The following HRG variants were observed in gnomAD, a reference collection of about 807,000 sequenced individuals.
The protein encoded by HRG is histidine-rich glycoprotein.
Under a neutral mutation model 29.5 loss-of-function variants are expected in HRG, and 26 were observed. The observed-to-expected ratio is 0.88, with a 90% CI of 0.65 to 1.22. The LOEUF (loss-of-function observed/expected upper bound fraction) is 1.22. Among genes scored for constraint, HRG ranks in the 50% most tolerant of loss-of-function variants. The probability of loss-of-function intolerance (pLI) is 0.00; values close to 1 mark genes in which losing one functional copy is unlikely to be tolerated. For synonymous variants in HRG, 243 were observed against 240.4 expected (o/e 1.01, Z -0.10); for missense variants, 671 against 654.5 (o/e 1.03, Z -0.28).
In HRG at chr3:186,677,566, C is replaced by G. The variant is rs139458490; in HGVS notation, c.1261C>G (p.Pro421Ala). ...FQDYGPCDPP[P>A]HNQGHCCHGH... ...AGACTATGGACCTTGTGACCCACCA[C>G]CCCATAACCAAGGTCACTGTTGCCA... Residue 421 changes from proline to alanine, a missense_variant, in exon 7 of 7, where the codon CCC becomes GCC. Physicochemically the swap from Pro to Ala is conservative, Grantham distance 27 (BLOSUM62 -1). Coordinates refer to ENST00000232003, the MANE Select transcript of HRG (RefSeq NM_000412.5). 3.3e-4 allele frequency: 530 copies of G among 1,614,036 alleles called. 2 individuals carry two copies. The African/African-American group carries it at 6.1e-3, about 19-fold the overall frequency.
Position 186,677,684 on chromosome 3 carries a change from G to A in HRG, c.1379G>A (p.Arg460Gln), listed in dbSNP as rs148716747. The change falls in exon 7 of 7, where the codon CGA becomes CAA. Residue 460 changes from arginine to glutamine, a missense_variant. Coordinates refer to ENST00000232003, the MANE Select transcript of HRG (RefSeq NM_000412.5). ...TGCAGACAAATTGGATCTGTGTACC[G>A]ACTCCCTCCTCTAAGAAAAGGTGAG... ...FHCRQIGSVY[R>Q]LPPLRKGEVL... 1,894 of 1,612,774 alleles carry A rather than the reference G, an allele frequency of 1.2e-3. 3 individuals are homozygous for A. Among genetic ancestry groups the A allele is most frequent in the Non-Finnish European group, 1.5e-3 (1,761 of 1,178,886 alleles).
In HRG at chr3:186,671,806, G is replaced by T. The variant is rs1718806247; in HGVS notation, c.558+17G>T. The T allele has an allele frequency of 6.2e-7, 1 of 1,612,818 alleles. No homozygotes were observed. On this transcript the variant is annotated intron_variant, in intron 4 of 6. Coordinates refer to ENST00000232003, the MANE Select transcript of HRG (RefSeq NM_000412.5). ...GCAAGAGTGGTGAGTCTCCACTAAGGTTCGGTTGGAGTCTGAAGGCCCAGG... is the reference window on the plus strand; with the variant it reads ...GCAAGAGTGGTGAGTCTCCACTAAGTTTCGGTTGGAGTCTGAAGGCCCAGG...
intron 4 of HRG, 38 bp downstream of exon 4, chr3:186,671,827 C>T (rs1276594310): frequency 3.2e-6 from 5 of 1,582,434 alleles, no homozygotes; most frequent in Admixed American, 1.7e-5. Context: ...GTCTGAAGGC[C>T]CAGGCTCCAA....
At position 186,677,481 on chromosome 3, in the gene HRG, T is replaced by G. The variant is rs1350418807; in HGVS notation, c.1176T>G (p.His392Gln). 1.9e-6 allele frequency: 3 copies of G among 1,593,860 alleles called. No homozygotes were observed. In the South Asian group the frequency reaches 3.4e-5, roughly 18 times the overall value. Reference protein sequence around the residue: ...HGHHPHGHHPHGHHPHGHHPH... With the variant: ...HGHHPHGHHPQGHHPHGHHPH... ...ACCACCCCCATGGACACCATCCTCA[T>G]GGACACCACCCCCATGGACACCATC... Residue 392 changes from histidine to glutamine, a missense_variant, in exon 7 of 7, where the codon CAT becomes CAG. Transcript: ENST00000232003.
chr3:186,674,896 C>A (rs1718918317), intron 5 of HRG, 193 bp from the exon 6 acceptor site: 3 of 617,462 alleles, frequency 4.9e-6, no homozygotes, highest in East Asian at 3.1e-5. Context: ...TTTAGTGATA[C>A]CCTTCACCAC....
At chr3:186,673,056 G>A (rs1718856498) in intron 5 of HRG, 189 bp downstream of exon 5, 2 of 654,146 alleles carry the variant, frequency 3.1e-6, no homozygotes, top group Non-Finnish European at 5.5e-6. Flanking sequence ...GAAGCACTTA[G>A]TACCTGCCAG....
chr3:186,666,275 C>G (rs1253029858), intron 1 of HRG, 61 bp downstream of exon 1: 3 of 1,539,466 alleles, frequency 1.9e-6, no homozygotes, highest in South Asian at 2.2e-5. Context: ...AAATGTGACT[C>G]TACCCCCTAG....
In HRG at chr3:186,672,753, G is replaced by A. The variant is rs759267044; in HGVS notation, c.559-34G>A. 50 of 1,414,348 alleles carry A rather than the reference G, an allele frequency of 3.5e-5. No homozygotes were observed. In the Middle Eastern group the frequency reaches 5.3e-4, roughly 15 times the overall value. 87.6% of individuals were successfully genotyped at this position (1,414,348 alleles called of 1,614,324 possible). ...GCTTTTTTTTCCTTTTTCTTTGTCT[G>A]TTCTTGAAACTATTTTGATCCCATC... is the stretch of plus-strand genomic sequence containing the variant. On this transcript the variant is annotated intron_variant, in intron 4 of 6. Coordinates refer to ENST00000232003, the MANE Select transcript of HRG (RefSeq NM_000412.5).
At chr3:186,676,400 A>G (rs1000064250) in intron 6 of HRG, among the ~76,000 whole-genome samples, 1 of 152,084 alleles carries the variant, frequency 6.6e-6, no homozygotes, top group Non-Finnish European at 1.5e-5. Flanking sequence ...GAAGTTTTTT[A>G]TATCTAACAT....
chr3:186,668,777 G>A (rs1718689365), intron 1 of HRG, 158 bp from the exon 2 acceptor site: 13 of 622,094 alleles, frequency 2.1e-5, no homozygotes, highest in Middle Eastern at 4.3e-4. Flanking sequence ...GCTATGTATT[G>A]GAATCAATAG....
At position 186,677,276 on chromosome 3, in the gene HRG, G is replaced by T. The variant is rs1719026691; in HGVS notation, c.971G>T (p.Cys324Phe). ...CCTCCTCCACTATTGCCCATGTCCTGCTCAAGTTGTCAACATGCCACTTTT... is the reference window on the plus strand; with the variant it reads ...CCTCCTCCACTATTGCCCATGTCCTTCTCAAGTTGTCAACATGCCACTTTT... ...QGPPPLLPMS[C>F]SSCQHATFGT... The change falls in exon 7 of 7, where the codon TGC becomes TTC. Residue 324 changes from cysteine to phenylalanine, a missense_variant. Transcript: ENST00000232003. 1 of 1,613,916 alleles carries T rather than the reference G, an allele frequency of 6.2e-7. No homozygotes were observed. Among genetic ancestry groups the T allele is most frequent in the Admixed American group, 1.7e-5 (1 of 59,986 alleles).
intron 3 of HRG, among the ~76,000 whole-genome samples, chr3:186,670,719 G>C (rs1400641554): frequency 3.3e-5 from 5 of 151,914 alleles, no homozygotes; most frequent in Admixed American, 3.3e-4. Flanking sequence ...AACAAATTTT[G>C]TATTTTTAGT....
intron 3 of HRG, 128 bp downstream of exon 3, chr3:186,670,156 G>A (rs186257490): frequency 5.8e-6 from 4 of 694,744 alleles, no homozygotes; most frequent in East Asian, 2.7e-5. Context: ...TATCTATGAT[G>A]TACATGAAAG....
At position 186,677,803 on chromosome 3, in the gene HRG, G is replaced by T. The variant is rs1482994530; in HGVS notation, c.1498G>T (p.Val500Phe). The T allele has an allele frequency of 6.2e-7, 1 of 1,613,996 alleles. No individual in the cohort carries two copies. The highest frequency in any genetic ancestry group is 8.5e-7 in the Non-Finnish European group (1 of 1,179,990). Residue 500 changes from valine to phenylalanine, a missense_variant, in exon 7 of 7, where the codon GTC (valine) becomes TTC (phenylalanine). Transcript: ENST00000232003. ...AGACAATCAGCCCTTTCCTCAATCAGTCTCTGAATCATGTCCAGGGAAGTT... is the reference window on the plus strand; with the variant it reads ...AGACAATCAGCCCTTTCCTCAATCATTCTCTGAATCATGTCCAGGGAAGTT... ...KPDNQPFPQS[V>F]SESCPGKFKS...
chr3:186,670,927 A>T (rs1358951015), intron 3 of HRG, among the ~76,000 whole-genome samples: 2 of 152,174 alleles, frequency 1.3e-5, no homozygotes, highest in Non-Finnish European at 2.9e-5. Flanking sequence ...ATATGATATT[A>T]TATACAAAAA....
In HRG at chr3:186,666,141, T is replaced by C. The variant is rs201187538; in HGVS notation, c.110T>C (p.Leu37Pro). The C allele has an allele frequency of 2.5e-5, 41 of 1,614,196 alleles. No homozygotes were observed. The African/African-American group carries it at 3.9e-4, about 15-fold the overall frequency. The change falls in exon 1 of 7, where the codon CTG becomes CCG. Residue 37 changes from leucine to proline, a missense_variant. Coordinates refer to ENST00000232003, the MANE Select transcript of HRG (RefSeq NM_000412.5). ...VEPEAEKALDLINKRRRDGYL... is the reference protein window; with the variant it reads ...VEPEAEKALDPINKRRRDGYL... ...CCGGAGGCTGAGAAAGCTCTAGACC[T>C]GATCAATAAAAGGCGACGGGATGGC...
At position 186,666,137 on chromosome 3, in the gene HRG, G is replaced by A. The variant is rs902340759; in HGVS notation, c.106G>A (p.Asp36Asn). 3 of 1,614,210 alleles carry A rather than the reference G, an allele frequency of 1.9e-6. No individual in the cohort carries two copies. Among genetic ancestry groups the A allele is most frequent in the Non-Finnish European group, 1.7e-6 (2 of 1,180,044 alleles). ...TGAGCCGGAGGCTGAGAAAGCTCTAGACCTGATCAATAAAAGGCGACGGGA... is the reference window on the plus strand; with the variant it reads ...TGAGCCGGAGGCTGAGAAAGCTCTAAACCTGATCAATAAAAGGCGACGGGA... The part of the protein sequence containing the change: ...AVEPEAEKAL[D>N]LINKRRRDGY... The change falls in exon 1 of 7, where the codon GAC (aspartate) becomes AAC (asparagine). Residue 36 changes from aspartate to asparagine, a missense_variant. Coordinates refer to ENST00000232003, the MANE Select transcript of HRG (RefSeq NM_000412.5).
intron 1 of HRG, among the ~76,000 whole-genome samples, chr3:186,666,689 C>A (rs774802966): frequency 3.3e-5 from 5 of 151,990 alleles, no homozygotes; most frequent in Middle Eastern, 6.8e-3. Context: ...CCAAGGCGGA[C>A]GGATCATGAG....
intron 1 of HRG, 49 bp downstream of exon 1, chr3:186,666,263 G>A: frequency 6.3e-7 from 1 of 1,587,674 alleles, no homozygotes; most frequent in Non-Finnish European, 8.6e-7. Context: ...ACTCACGGGG[G>A]CAAATGTGAC....
Sources: gnomAD v4.1 joint callset for allele counts (sites outside exome capture counted in the v4.1 genomes callset) on GRCh38, gnomAD v4.1.1 for gene constraint, MANE v1.5 for transcripts, NCBI Gene and HGNC (gene_info 2026-07-23, HGNC 2026-07-21) for gene names.